ARHGAP19: variants seen among roughly 807,000 people sequenced by gnomAD.
ARHGAP19 encodes rho GTPase-activating protein 19.
ARHGAP19 carries 48 observed loss-of-function variants against 60.9 expected under a neutral mutation model. That is an observed-to-expected ratio of 0.79 (90% CI 0.62 to 1.00). The LOEUF (loss-of-function observed/expected upper bound fraction) is 1.00. Among genes scored for constraint, ARHGAP19 ranks in the 50% least tolerant of loss-of-function variants. ARHGAP19 has a pLI of 0.00. For missense variants in ARHGAP19, 562 were observed against 597.2 expected, an observed-to-expected ratio of 0.94 and a Z score of 0.61; for synonymous variants, 209 against 215.5, an observed-to-expected ratio of 0.97 and a Z score of 0.27.
At chr10:97,259,830 G>GTTTTGTTTTGTT (rs1271505247) in intron 4 of ARHGAP19, among the ~76,000 whole-genome samples, 2 of 139,276 alleles carry the variant, frequency 1.4e-5, no homozygotes, top group Non-Finnish European at 3.3e-5. Flanking sequence ...TAAAAAACCT[G>GTTTTGTTTTGTT]TTTTGTTTTG....
rs869291841 is a variant in ARHGAP19, at chr10:97,231,059, C to CAAAAAA, written c.1285-1191_1285-1186dup. Among the ~76,000 whole-genome samples, 345 of 59,750 alleles carry CAAAAAA rather than the reference C, an allele frequency of 5.8e-3. 38 individuals are homozygous for CAAAAAA. Among genetic ancestry groups the CAAAAAA allele is most frequent in the Middle Eastern group, 0.014 (1 of 72 alleles). 39.2% of individuals were successfully genotyped at this position (59,750 alleles called of 152,430 possible). On this transcript the variant is annotated intron_variant, in intron 9 of 11. Transcript: ENST00000358531. Reference sequence around the variant, plus strand: ...ACACCTAGTGAGACTCTTGTCTCACCAAAAAAAAAAAAAAAAAAAAAAAAA... The same window carrying CAAAAAA: ...ACACCTAGTGAGACTCTTGTCTCACCAAAAAAAAAAAAAAAAAAAAAAAAAAAAAAA...
chr10:97,268,949 C>T (rs1030124885), intron 1 of ARHGAP19, among the ~76,000 whole-genome samples: 3 of 152,188 alleles, frequency 2.0e-5, no homozygotes, highest in Non-Finnish European at 4.4e-5. Flanking sequence ...ATCTTTATTA[C>T]ATAAGCAGTC....
chr10:97,235,148 G>A, intron 9 of ARHGAP19, 69 bp downstream of exon 9: 1 of 1,432,022 alleles, frequency 7.0e-7, no homozygotes, highest in Non-Finnish European at 9.7e-7. Flanking sequence ...AACTTTTTAT[G>A]CATAAGAAAA....
At chr10:97,228,934 G>A (rs1850950263) in intron 11 of ARHGAP19, 4 of 666,970 alleles carry the variant, frequency 6.0e-6, no homozygotes, top group Non-Finnish European at 1.1e-5. Context: ...GTGGGTCTGT[G>A]TTCACAGCTC....
At chr10:97,250,771 A>G (rs1842633200) in intron 6 of ARHGAP19, among the ~76,000 whole-genome samples, 1 of 151,952 alleles carries the variant, frequency 6.6e-6, no homozygotes. Context: ...TTTCATTTAA[A>G]AAAAAGAAAG....
chr10:97,274,755 T>C (rs935559178), intron 1 of ARHGAP19, among the ~76,000 whole-genome samples: 2 of 152,160 alleles, frequency 1.3e-5, no homozygotes, highest in African/African-American at 4.8e-5. Context: ...TTCCTCATCA[T>C]AAAAGTTTTT....
intron 1 of ARHGAP19, among the ~76,000 whole-genome samples, chr10:97,269,453 CT>C (rs1210654403): frequency 6.6e-6 from 1 of 152,108 alleles, no homozygotes; most frequent in Non-Finnish European, 1.5e-5. Flanking sequence ...TCTCTTCAAC[CT>C]TTTTACACGC....
chr10:97,277,970 C>T (rs915473), intron 1 of ARHGAP19: 1 of 152,240 alleles, frequency 6.6e-6, no homozygotes, highest in Non-Finnish European at 1.5e-5. Flanking sequence ...CTGCCTTTCT[C>T]TTCTACAACT....
chr10:97,223,350 G>A lies in ARHGAP19; in HGVS notation c.*2772C>T, dbSNP rs369593652. On this transcript the variant is annotated 3_prime_UTR_variant, in exon 12 of 12. Coordinates refer to ENST00000358531, the MANE Select transcript of ARHGAP19 (RefSeq NM_032900.6). The stretch of plus-strand genomic sequence containing the variant: ...GATGCTCTTTCACTACTACAGCAGG[G>A]TTTTTCACACCAGATTCATTGGTCC... 2 of 152,272 alleles carry A rather than the reference G, an allele frequency of 1.3e-5. No homozygotes were observed. The highest frequency in any genetic ancestry group is 4.8e-5 in the African/African-American group (2 of 41,544). 9.4% of individuals were successfully genotyped at this position (152,272 alleles called of 1,614,324 possible).
In ARHGAP19 at chr10:97,235,205, C is replaced by G. The variant is rs1464281479; in HGVS notation, c.1284+12G>C. 5 of 1,593,676 alleles carry G rather than the reference C, an allele frequency of 3.1e-6. No individual in the cohort carries two copies. The highest frequency in any genetic ancestry group is 4.3e-6 in the Non-Finnish European group (5 of 1,164,664). On this transcript the variant is annotated intron_variant, in intron 9 of 11. Transcript: ENST00000358531. ...AAAATCAATGCTGAAAACGACAGCC[C>G]AGCATACCTACCTTAATAAGCCCAC...
chr10:97,248,597 G>A (rs1842596953), intron 6 of ARHGAP19, among the ~76,000 whole-genome samples: 1 of 152,048 alleles, frequency 6.6e-6, no homozygotes, highest in African/African-American at 2.4e-5. Flanking sequence ...TAGAAGCAAT[G>A]ACACACCAGA....
At chr10:97,227,029 G>A (rs1219821138) in intron 11 of ARHGAP19, among the ~76,000 whole-genome samples, 1 of 152,190 alleles carries the variant, frequency 6.6e-6, no homozygotes, top group Non-Finnish European at 1.5e-5. Context: ...CATCGATGGG[G>A]TAAAGGCCAG....
At chr10:97,290,057 AC>A (rs2134936561) in intron 1 of ARHGAP19, among the ~76,000 whole-genome samples, 1 of 152,148 alleles carries the variant, frequency 6.6e-6, no homozygotes, top group South Asian at 2.1e-4. Flanking sequence ...AAAATGATCA[AC>A]CATTTATAGG....
At chr10:97,254,146 T>A (rs1842724703) in intron 6 of ARHGAP19, among the ~76,000 whole-genome samples, 1 of 152,118 alleles carries the variant, frequency 6.6e-6, no homozygotes, top group Non-Finnish European at 1.5e-5. Context: ...AAAATACCAA[T>A]GAGGTTTTTT....
chr10:97,282,298 T>C (rs1843095113), intron 1 of ARHGAP19, among the ~76,000 whole-genome samples: 1 of 152,228 alleles, frequency 6.6e-6, no homozygotes, highest in Non-Finnish European at 1.5e-5. Context: ...TGGTGGCCTA[T>C]TACTGCCACT....
Position 97,256,245 on chromosome 10 carries a change from T to C in ARHGAP19, c.927+73A>G, listed in dbSNP as rs1241751262. 5.1e-6 allele frequency: 6 copies of C among 1,187,902 alleles called. No individual in the cohort carries two copies. The East Asian group carries it at 9.3e-5, about 18-fold the overall frequency. 73.6% of individuals were successfully genotyped at this position (1,187,902 alleles called of 1,614,324 possible). A position where few individuals can be genotyped will look rare whatever the true frequency, so the allele number is the denominator to read the frequency against. On this transcript the variant is annotated intron_variant, in intron 6 of 11. Transcript: ENST00000358531. ...CCTTTTTCTCGTTTAGTTATCTTTATAGCCCCACTTAGGATCCCACCTTGC... is the reference window on the plus strand; with the variant it reads ...CCTTTTTCTCGTTTAGTTATCTTTACAGCCCCACTTAGGATCCCACCTTGC...
chr10:97,257,952 A>G (rs7912065), intron 5 of ARHGAP19, among the ~76,000 whole-genome samples: 3,700 of 152,258 alleles, frequency 0.024, 132 homozygotes, highest in African/African-American at 0.084. Context: ...AGGCATCAAT[A>G]GGTTCTTGGA....
intron 1 of ARHGAP19, among the ~76,000 whole-genome samples, 197 bp downstream of exon 1, chr10:97,292,375 C>A (rs113811927): frequency 9.7e-4 from 148 of 152,370 alleles, no homozygotes; most frequent in African/African-American, 3.2e-3. Context: ...ACCGGCAGGA[C>A]CGAGCGGGGG....
At chr10:97,236,178 T>G (rs1842375597) in intron 8 of ARHGAP19, among the ~76,000 whole-genome samples, 1 of 152,052 alleles carries the variant, frequency 6.6e-6, no homozygotes, top group African/African-American at 2.4e-5. Context: ...GGCTTCACTG[T>G]GTTGGCCAGG....
Sources: gnomAD v4.1 joint callset for allele counts (sites outside exome capture counted in the v4.1 genomes callset) on GRCh38, gnomAD v4.1.1 for gene constraint, MANE v1.5 for transcripts, NCBI Gene and HGNC (gene_info 2026-07-23, HGNC 2026-07-21) for gene names.